The following ZNRF3 variants were observed in gnomAD, a reference collection of about 807,000 sequenced individuals.
ZNRF3 encodes the protein E3 ubiquitin-protein ligase ZNRF3.
In ZNRF3, 23 loss-of-function variants were observed where a neutral mutation model predicts 72.5. The ratio of observed to expected loss-of-function variants is 0.32; its 90% CI spans 0.23 to 0.45. The LOEUF (loss-of-function observed/expected upper bound fraction) is 0.45, where lower values mean the gene tolerates loss of function less well. ZNRF3 is among the 20% of genes least tolerant of loss of function. The pLI, the probability that ZNRF3 is intolerant of heterozygous loss-of-function variation, is 1.00. For synonymous variants in ZNRF3, 610 were observed against 545.3 expected (o/e 1.12, Z -1.65); for missense variants, 1,169 against 1,272.1 (o/e 0.92, Z 1.23).
intron 1 of ZNRF3, among the ~76,000 whole-genome samples, chr22:28,917,843 C>T (rs946390915): frequency 1.7e-4 from 26 of 152,168 alleles, no homozygotes; most frequent in African/African-American, 5.8e-4. Context: ...CTGCAGAGGG[C>T]GTGCTGTCCC....
At chr22:28,987,019 G>A (rs751985329) in intron 1 of ZNRF3, 57 bp from the exon 2 acceptor site, 38 of 1,572,262 alleles carry the variant, frequency 2.4e-5, no homozygotes, top group Non-Finnish European at 3.2e-5. Context: ...TACACAATAT[G>A]AGTCAAGCAA....
intron 1 of ZNRF3, among the ~76,000 whole-genome samples, chr22:28,885,993 C>G (rs1601523097): frequency 6.6e-6 from 1 of 151,422 alleles, no homozygotes; most frequent in East Asian, 1.9e-4. Flanking sequence ...AATAAGTTTA[C>G]TTGTTAAGCA....
chr22:28,970,019 A>G (rs375967728), intron 1 of ZNRF3, among the ~76,000 whole-genome samples: 17 of 152,368 alleles, frequency 1.1e-4, no homozygotes, highest in African/African-American at 3.8e-4. Context: ...GAAGAGGAAC[A>G]TGACAGAAAA....
intron 1 of ZNRF3, among the ~76,000 whole-genome samples, chr22:28,909,646 T>C (rs2123759562): frequency 6.6e-6 from 1 of 152,036 alleles, no homozygotes. Flanking sequence ...GGGGGCGTGA[T>C]CTCAGCTCAC....
At position 29,055,428 on chromosome 22, in the gene ZNRF3, T is replaced by A. The variant is rs774104798; in HGVS notation, c.*1806T>A. 6.6e-6 allele frequency: 1 copy of A among 152,240 alleles called. No homozygotes were observed. The highest frequency in any genetic ancestry group is 1.5e-5 in the Non-Finnish European group (1 of 68,036). The allele number at this position is 152,240 out of a possible 1,614,324, so 9.4% of individuals were successfully genotyped here. A position where few individuals can be genotyped will look rare whatever the true frequency, so the allele number is the denominator to read the frequency against. On this transcript the variant is annotated 3_prime_UTR_variant, in exon 9 of 9. Coordinates refer to ENST00000544604, the MANE Select transcript of ZNRF3 (RefSeq NM_001206998.2). ...GTCTTGAACGAGAATCTCACTCTTATCAGAATGTTTTTCTTAACCTCAGCG... is the reference window on the plus strand; with the variant it reads ...GTCTTGAACGAGAATCTCACTCTTAACAGAATGTTTTTCTTAACCTCAGCG...
At chr22:29,009,931 G>T (rs1258909223) in intron 2 of ZNRF3, among the ~76,000 whole-genome samples, 1 of 125,204 alleles carries the variant, frequency 8.0e-6, no homozygotes. Flanking sequence ...TTTTGAGACA[G>T]TGTCTCGCTC....
chr22:29,013,080 G>C (rs16986964), intron 2 of ZNRF3, among the ~76,000 whole-genome samples: 1,963 of 152,200 alleles, frequency 0.013, 43 homozygotes, highest in African/African-American at 0.045. Flanking sequence ...CTCTTTTTTG[G>C]GAAGCCGAGT....
chr22:29,053,524 G>A (rs1385849586), intron 8 of ZNRF3, 55 bp from the exon 9 acceptor site: 12 of 1,587,600 alleles, frequency 7.6e-6, no homozygotes, highest in Admixed American at 3.4e-5. Flanking sequence ...CCCTTGCCTG[G>A]TCCCATGTGT....
In ZNRF3 at chr22:29,050,071, C is replaced by A; in HGVS notation, c.1890C>A (p.Pro630=). The A allele has an allele frequency of 3.1e-6, 5 of 1,607,324 alleles. No individual in the cohort carries two copies. Among genetic ancestry groups the A allele is most frequent in the Non-Finnish European group, 3.4e-6 (4 of 1,177,524 alleles). ...TGTGCTTCGAGGGCTCCCCGCCTCC[C>A]GAGGAGCTCCCGGCGGTGCACAGTC... is the stretch of plus-strand genomic sequence containing the variant. The part of the protein sequence containing the change: ...PALCFEGSPP[P]EELPAVHSHG... The change falls in exon 8 of 9, where the codon CCC becomes CCA. Residue 630 remains proline (P), a synonymous_variant. Transcript: ENST00000544604.
intron 2 of ZNRF3, among the ~76,000 whole-genome samples, chr22:28,999,825 G>C (rs1176771661): frequency 1.3e-5 from 2 of 152,154 alleles, no homozygotes; most frequent in Non-Finnish European, 2.9e-5. Flanking sequence ...GTGCAGGAGA[G>C]CACCACACCC....
chr22:28,993,349 C>T (rs2035989394), intron 2 of ZNRF3, among the ~76,000 whole-genome samples: 1 of 152,218 alleles, frequency 6.6e-6, no homozygotes, highest in South Asian at 2.1e-4. Context: ...AATGTAGGAG[C>T]AACATGTCCA....
At chr22:29,011,514 C>T (rs989355137) in intron 2 of ZNRF3, among the ~76,000 whole-genome samples, 2 of 151,938 alleles carry the variant, frequency 1.3e-5, no homozygotes, top group African/African-American at 4.8e-5. Flanking sequence ...ATGCTAGCTC[C>T]GAAACCTATA....
At chr22:28,885,031 G>GTTGGC (rs1455455088) in intron 1 of ZNRF3, among the ~76,000 whole-genome samples, 1 of 152,220 alleles carries the variant, frequency 6.6e-6, no homozygotes, top group Admixed American at 6.5e-5. Context: ...ATTCGTAAAG[G>GTTGGC]TTGGCTTGTC....
In ZNRF3 at chr22:29,030,275, A is replaced by G. The variant is rs2123870070; in HGVS notation, c.427-12220A>G. Among the ~76,000 whole-genome samples, 1 of 152,290 alleles carries G rather than the reference A, an allele frequency of 6.6e-6. No individual in the cohort carries two copies. The highest frequency in any genetic ancestry group is 1.5e-5 in the Non-Finnish European group (1 of 68,034). On this transcript the variant is annotated intron_variant, in intron 2 of 8. Transcript: ENST00000544604. This position sits in a 1 kb window ranked among gnomAD's most constrained non-coding sequence, Gnocchi z 4.2. ...AATGCATTTCCGTTTGACACCCACT[A>G]GTTTCTGATTGTGAAAAGGGTACCA...
intron 1 of ZNRF3, among the ~76,000 whole-genome samples, chr22:28,924,242 G>A (rs1256050140): frequency 6.6e-6 from 1 of 152,230 alleles, no homozygotes; most frequent in Non-Finnish European, 1.5e-5. Flanking sequence ...TGGTAGGGCA[G>A]GAATGCTGCA....
intron 8 of ZNRF3, among the ~76,000 whole-genome samples, chr22:29,051,603 T>TAAAAAAA (rs1212194016): frequency 9.5e-6 from 1 of 105,022 alleles, no homozygotes; most frequent in Non-Finnish European, 2.0e-5. Flanking sequence ...GACTCTGTCT[T>TAAAAAAA]AAAAAAAAAA....
intron 1 of ZNRF3, among the ~76,000 whole-genome samples, chr22:28,951,860 A>G (rs1190860240): frequency 6.6e-6 from 1 of 152,196 alleles, no homozygotes; most frequent in Non-Finnish European, 1.5e-5. Context: ...GGAAAGATGG[A>G]TAGAGATGGT....
chr22:29,042,092 C>T (rs568503555), intron 2 of ZNRF3, among the ~76,000 whole-genome samples: 9 of 152,228 alleles, frequency 5.9e-5, no homozygotes, highest in Middle Eastern at 3.4e-3. Flanking sequence ...GATTACCATA[C>T]AAGGTAGGTG....
At position 28,956,416 on chromosome 22, in the gene ZNRF3, G is replaced by C. The variant is rs145131502; in HGVS notation, c.301-30660G>C. Reference sequence around the variant, plus strand: ...TTTGCATCGAATGAAACCCCATCAAGGGCATCTCCTAACTCTTCTTCCATT... The same window carrying C: ...TTTGCATCGAATGAAACCCCATCAACGGCATCTCCTAACTCTTCTTCCATT... On this transcript the variant is annotated intron_variant, in intron 1 of 8. Coordinates refer to ENST00000544604, the MANE Select transcript of ZNRF3 (RefSeq NM_001206998.2). Among the ~76,000 whole-genome samples the C allele has an allele frequency of 7.4e-3, 1,095 of 148,234 alleles. 16 individuals are homozygous for C. Among genetic ancestry groups the C allele is most frequent in the African/African-American group, 0.026 (1,057 of 40,008 alleles).
Sources: allele counts gnomAD v4.1 joint callset (sites outside exome capture counted in the v4.1 genomes callset), GRCh38; gene constraint gnomAD v4.1.1; non-coding constraint Gnocchi (gnomAD v3.1); transcripts MANE v1.5; gene names NCBI Gene and HGNC (gene_info 2026-07-23, HGNC 2026-07-21).